MALAT1: variants seen among roughly 807,000 people sequenced by gnomAD.
MALAT1 encodes hepcarcin.
chr11:65,503,932 G>A (rs1306079716), intron 3 of MALAT1: 2 of 516,176 alleles, frequency 3.9e-6, no homozygotes, highest in Admixed American at 2.0e-5. Context: ...AGAGTAAAAG[G>A]TAATTACACA....
chr11:65,502,063 A>G, exon 3 of MALAT1: 1 of 517,458 alleles, frequency 1.9e-6, no homozygotes, highest in Non-Finnish European at 3.9e-6. Flanking sequence ...AAGCTGGGGG[A>G]AGTTAAATAT....
At chr11:65,500,202 C>A (rs747744167) in exon 3 of MALAT1, 3 of 512,046 alleles carry the variant, frequency 5.9e-6, no homozygotes, top group South Asian at 2.9e-5. Context: ...AAAACTAAGG[C>A]AGAAGGCTTT....
chr11:65,498,585 A>T (rs188689751), intron 1 of MALAT1: 1 of 518,792 alleles, frequency 1.9e-6, no homozygotes, highest in African/African-American at 1.9e-5. Flanking sequence ...AAAGTCCGCC[A>T]TTTTGCCACT....
exon 3 of MALAT1, chr11:65,499,977 T>G (rs1429552124): frequency 7.0e-6 from 3 of 428,278 alleles, no homozygotes; most frequent in African/African-American, 6.3e-5. Context: ...TTGGATAAAA[T>G]AGCACTGAAA....
At chr11:65,505,728 A>C (rs771367728) in intron 3 of MALAT1, 1 of 519,046 alleles carries the variant, frequency 1.9e-6, no homozygotes, top group East Asian at 5.4e-5. Flanking sequence ...ATTTGCCTGC[A>C]AATTGTTAAC....
At chr11:65,505,288 A>C (rs753226057) in intron 3 of MALAT1, 1 of 518,696 alleles carries the variant, frequency 1.9e-6, no homozygotes, top group Non-Finnish European at 3.8e-6. Flanking sequence ...GGTCAAGAGA[A>C]GTGTCAGCCT....
chr11:65,502,023 T>G (rs780955925), exon 3 of MALAT1: 1 of 516,902 alleles, frequency 1.9e-6, no homozygotes, highest in Non-Finnish European at 3.9e-6. Context: ...TCCCAATGAT[T>G]TAGTTTTTTT....
chr11:65,500,169 A>G (rs574947814), exon 3 of MALAT1: 78 of 506,178 alleles, frequency 1.5e-4, no homozygotes, highest in African/African-American at 1.3e-3. Context: ...AAAAGCTACT[A>G]AAAGGACTGG....
At chr11:65,503,586 C>T (rs759638626) in exon 3 of MALAT1, 4 of 511,544 alleles carry the variant, frequency 7.8e-6, no homozygotes, top group African/African-American at 3.9e-5. Context: ...TGTAGAAAAC[C>T]ATTAAATCAT....
chr11:65,500,030 T>C (rs987470269), exon 3 of MALAT1: 1 of 431,994 alleles, frequency 2.3e-6, no homozygotes, highest in Non-Finnish European at 4.5e-6. Context: ...TAAAAGCCCA[T>C]CAATTTAATT....
intron 3 of MALAT1, chr11:65,506,085 C>T (rs1346644337): frequency 7.3e-6 from 3 of 408,170 alleles, no homozygotes; most frequent in Non-Finnish European, 9.4e-6. Context: ...GCTTTTTGGC[C>T]TTTTTCTAGC....
exon 3 of MALAT1, chr11:65,499,654 T>C (rs773971324): frequency 2.3e-6 from 1 of 436,556 alleles, no homozygotes; most frequent in Non-Finnish European, 4.5e-6. Context: ...GATAGAAGTT[T>C]GAAGTGGAAA....
chr11:65,505,679 G>A (rs1291691021), intron 3 of MALAT1: 1 of 518,996 alleles, frequency 1.9e-6, no homozygotes, highest in Admixed American at 1.9e-5. Context: ...ATGGTGTCGA[G>A]GTCTTTGGTG....
At chr11:65,504,921 T>C (rs981677588) in intron 3 of MALAT1, 6 of 518,722 alleles carry the variant, frequency 1.2e-5, no homozygotes, top group Non-Finnish European at 2.3e-5. Flanking sequence ...CCATTTTAAA[T>C]GTGGGGATTG....
exon 3 of MALAT1, chr11:65,503,837 G>A (rs1050470308): frequency 3.9e-6 from 2 of 517,948 alleles, no homozygotes; most frequent in Non-Finnish European, 3.9e-6. Flanking sequence ...AAAGTGATGA[G>A]CATATAATAA....
In MALAT1 at chr11:65,499,841, G is replaced by T. The variant is rs184048185; in HGVS notation, n.1104G>T. ...AAGGGCAAAATGTACAAACTTAGAA[G>T]AAAATTGGAAGATAGAAACAAGATA... is the stretch of plus-strand genomic sequence containing the variant. On this transcript the variant is annotated non_coding_transcript_exon_variant, in exon 3 of 4. Transcript: ENST00000619449. 4 of 421,248 alleles carry T rather than the reference G, an allele frequency of 9.5e-6. No homozygotes were observed. The East Asian group carries it at 2.9e-4, about 30-fold the overall frequency. The allele number at this position is 421,248 out of a possible 1,614,324, so 26.1% of individuals were successfully genotyped here.
At chr11:65,505,835 A>C in intron 3 of MALAT1, 1 of 488,434 alleles carries the variant, frequency 2.0e-6, no homozygotes, top group Non-Finnish European at 4.1e-6. Flanking sequence ...TAACATGTTC[A>C]AGAACTGTAA....
At chr11:65,503,266 A>G (rs757314892) in exon 3 of MALAT1, 3 of 517,240 alleles carry the variant, frequency 5.8e-6, no homozygotes, top group East Asian at 1.1e-4. Flanking sequence ...GAGTTCTTAA[A>G]TATCAACCAT....
intron 1 of MALAT1, chr11:65,498,194 C>G (rs766395840): frequency 1.9e-6 from 1 of 518,840 alleles, no homozygotes; most frequent in Non-Finnish European, 3.8e-6. Flanking sequence ...GTCTCTGTGT[C>G]TTCGGAGACA....
Sources: allele counts gnomAD v4.1 joint callset, GRCh38; gene constraint gnomAD v4.1.1; transcripts MANE v1.5; gene names NCBI Gene and HGNC (gene_info 2026-07-23, HGNC 2026-07-21).